The following PHF14 variants were observed in gnomAD, a reference collection of about 807,000 sequenced individuals.
PHF14 encodes PHD finger protein 14.
Under a neutral mutation model 117.9 loss-of-function variants are expected in PHF14, and 55 were observed. The observed-to-expected ratio is 0.47, with a 90% CI of 0.38 to 0.58. The LOEUF is 0.58. Among genes scored for constraint, PHF14 ranks in the 20% least tolerant of loss-of-function variants. The pLI is 0.00. For synonymous variants in PHF14, 409 were observed against 368.6 expected, an observed-to-expected ratio of 1.11 and a Z score of -1.26; for missense variants, 978 against 1,122.2, an observed-to-expected ratio of 0.87 and a Z score of 1.84.
chr7:10,989,787 C>T (rs1000377617), intron 3 of PHF14, among the ~76,000 whole-genome samples: 8 of 152,082 alleles, frequency 5.3e-5, no homozygotes, highest in Non-Finnish European at 1.0e-4. Context: ...TGCATCACCA[C>T]GCCCAGCTAA....
chr7:11,160,113 C>T lies in PHF14; in HGVS notation c.2773-9303C>T, dbSNP rs112413130. 7.6e-3 allele frequency among the ~76,000 whole-genome samples: 1,150 copies of T among 152,170 alleles called. 19 individuals are homozygous for T. Among genetic ancestry groups the T allele is most frequent in the African/African-American group, 0.027 (1,101 of 41,534 alleles). Reference sequence around the variant, plus strand: ...CTCCAGTGTCTATTATTGCCATCTTCATGTCCCTGTGTACCCAATGTGCTC... The same window carrying T: ...CTCCAGTGTCTATTATTGCCATCTTTATGTCCCTGTGTACCCAATGTGCTC... On this transcript the variant is annotated intron_variant, in intron 17 of 17. Coordinates refer to ENST00000634607, the MANE Select transcript of PHF14 (RefSeq NM_001007157.2).
chr7:11,128,361 C>G (rs545948747), intron 17 of PHF14, among the ~76,000 whole-genome samples: 1 of 152,056 alleles, frequency 6.6e-6, no homozygotes, highest in African/African-American at 2.4e-5. Flanking sequence ...CTCCTCTCAG[C>G]CTTAAAAAAA....
intron 17 of PHF14, among the ~76,000 whole-genome samples, chr7:11,161,121 C>T (rs907622574): frequency 2.6e-5 from 4 of 152,074 alleles, no homozygotes; most frequent in Non-Finnish European, 4.4e-5. Context: ...CAGTTTCATT[C>T]TTCTGCATAT....
chr7:11,034,124 T>C (rs1158939512), intron 7 of PHF14, among the ~76,000 whole-genome samples: 1 of 152,114 alleles, frequency 6.6e-6, no homozygotes, highest in Non-Finnish European at 1.5e-5. Context: ...TTGCCTCATA[T>C]GCTTTTTTTT....
intron 16 of PHF14, among the ~76,000 whole-genome samples, chr7:11,065,237 ATTTC>A (rs1322650992): frequency 6.6e-6 from 1 of 152,068 alleles, no homozygotes; most frequent in Non-Finnish European, 1.5e-5. Flanking sequence ...CTAAATATAT[ATTTC>A]TTTATGCTAT....
chr7:11,075,663 G>A (rs1016932313), intron 16 of PHF14, among the ~76,000 whole-genome samples: 1 of 149,052 alleles, frequency 6.7e-6, no homozygotes, highest in African/African-American at 2.5e-5. Flanking sequence ...TCCAACACTG[G>A]AAGTCACATT....
In PHF14 at chr7:11,036,519, A is replaced by G. The variant is rs374137086; in HGVS notation, c.1704A>G (p.Pro568=). 171 of 1,613,854 alleles carry G rather than the reference A, an allele frequency of 1.1e-4. No homozygotes were observed. Among genetic ancestry groups the G allele is most frequent in the Non-Finnish European group, 1.4e-4 (164 of 1,179,858 alleles). The change falls in exon 9 of 18, where the codon CCA becomes CCG. Residue 568 remains proline (P), a synonymous_variant. Coordinates refer to ENST00000634607, the MANE Select transcript of PHF14 (RefSeq NM_001007157.2). ...TTCCAAGGGAAAAATTGCCCAGACC[A>G]CTCACCAGCAGTGCTTCAGCTATTC... ...AWVPREKLPR[P]LTSSASAIRK... is the part of the protein sequence containing the mutation.
intron 17 of PHF14, among the ~76,000 whole-genome samples, chr7:11,127,851 G>A (rs1028534600): frequency 2.6e-4 from 39 of 151,976 alleles, no homozygotes; most frequent in African/African-American, 9.2e-4. Flanking sequence ...TCACCCATGA[G>A]TCCTAAATCA....
chr7:11,064,856 A>T (rs1311858553), intron 16 of PHF14, among the ~76,000 whole-genome samples: 1 of 152,062 alleles, frequency 6.6e-6, no homozygotes, highest in Non-Finnish European at 1.5e-5. Flanking sequence ...GATCACAATC[A>T]TACTTGCTTC....
At position 11,036,996 on chromosome 7, in the gene PHF14, C is replaced by G; in HGVS notation, c.1885C>G (p.Arg629Gly). 1 of 1,495,806 alleles carries G rather than the reference C, an allele frequency of 6.7e-7. No individual in the cohort carries two copies. Among genetic ancestry groups the G allele is most frequent in the Non-Finnish European group, 9.1e-7 (1 of 1,098,402 alleles). The allele number at this position is 1,495,806 out of a possible 1,614,324, so 92.7% of individuals were successfully genotyped here. ...FVNYYFERNM[R>G]MIQIQENMAE... ...TTTCATTTAAATAGAGAGAAATATG[C>G]GCATGATTCAAATTCAGGAAAATAT... The change falls in exon 10 of 18, where the codon CGC (arginine) becomes GGC (glycine). Residue 629 changes from arginine (R) to glycine (G), a missense_variant. Transcript: ENST00000634607.
At chr7:10,974,517 C>A (rs917689919) in intron 1 of PHF14, among the ~76,000 whole-genome samples, 193 bp downstream of exon 1, 1 of 152,128 alleles carries the variant, frequency 6.6e-6, no homozygotes, top group Non-Finnish European at 1.5e-5. Context: ...TTGACTGTTA[C>A]GATGTCTAAG....
intron 17 of PHF14, among the ~76,000 whole-genome samples, chr7:11,126,781 AAAAAAAAAGCTACAGTCTG>A (rs1787941489): frequency 6.6e-6 from 1 of 151,986 alleles, no homozygotes. Context: ...GGATGAAAAA[AAAAAAAAAGCTACAGTCTG>A]AATTTGACAT....
chr7:10,982,892 CAAT>C lies in PHF14; in HGVS notation c.634_636del (p.Asn212del). ...TGGATGACTATGACAGTGAGGATGA[CAAT>C]GATTGGCGACCTACTGTAGTAAAGA... On this transcript the variant is annotated inframe_deletion, in exon 3 of 18. Transcript: ENST00000634607. 6.2e-7 allele frequency: 1 copy of C among 1,613,148 alleles called. No homozygotes were observed. The highest frequency in any genetic ancestry group is 8.5e-7 in the Non-Finnish European group (1 of 1,179,314).
At chr7:11,074,419 C>A (rs1388423356) in intron 16 of PHF14, among the ~76,000 whole-genome samples, 2 of 151,974 alleles carry the variant, frequency 1.3e-5, no homozygotes, top group Non-Finnish European at 2.9e-5. Flanking sequence ...GCCGTGTTAG[C>A]CAGGATGGTC....
chr7:11,058,427 C>T (rs368353159), intron 14 of PHF14, among the ~76,000 whole-genome samples: 5 of 152,028 alleles, frequency 3.3e-5, no homozygotes, highest in South Asian at 2.1e-4. Flanking sequence ...TAGCTTTCAA[C>T]ATTTTCTTGG....
At chr7:11,120,973 A>T (rs928452097) in intron 17 of PHF14, among the ~76,000 whole-genome samples, 1 of 152,156 alleles carries the variant, frequency 6.6e-6, no homozygotes, top group South Asian at 2.1e-4. Flanking sequence ...TTCTTTGTCA[A>T]GGTCATTAAA....
chr7:11,067,763 T>C (rs1785472131), intron 16 of PHF14, among the ~76,000 whole-genome samples: 1 of 152,080 alleles, frequency 6.6e-6, no homozygotes, highest in Admixed American at 6.5e-5. Flanking sequence ...CTTTCACTCA[T>C]GGTGAAAGGT....
chr7:11,129,757 C>T (rs1788038347), intron 17 of PHF14, among the ~76,000 whole-genome samples: 1 of 151,546 alleles, frequency 6.6e-6, no homozygotes, highest in Admixed American at 6.6e-5. Context: ...ATAAATCTTG[C>T]CCTTAAAAAA....
At chr7:11,058,634 T>C (rs375676438) in intron 14 of PHF14, among the ~76,000 whole-genome samples, 9 of 152,344 alleles carry the variant, frequency 5.9e-5, no homozygotes, top group East Asian at 3.9e-4. Context: ...CTTTATTGGG[T>C]ATAATTCTCT....
Sources: gnomAD v4.1 joint callset for allele counts (sites outside exome capture counted in the v4.1 genomes callset) on GRCh38, gnomAD v4.1.1 for gene constraint, MANE v1.5 for transcripts, NCBI Gene and HGNC (gene_info 2026-07-23, HGNC 2026-07-21) for gene names.